TIAM1: variants seen among roughly 807,000 people sequenced by gnomAD.
TIAM1 encodes the protein TIAM Rac1 associated GEF 1, also known as rho guanine nucleotide exchange factor TIAM1.
Under a neutral mutation model 163.5 loss-of-function variants are expected in TIAM1, and 65 were observed. The observed-to-expected ratio is 0.40, with a 90% CI of 0.33 to 0.49. TIAM1 has a LOEUF of 0.49. Among genes scored for constraint, TIAM1 ranks in the 20% least tolerant of loss-of-function variants. The pLI is 0.77. For synonymous variants in TIAM1, 833 were observed against 810.1 expected, an observed-to-expected ratio of 1.03 and a Z score of -0.48; for missense variants, 1,789 against 2,044.7, an observed-to-expected ratio of 0.87 and a Z score of 2.41.
chr21:31,320,123 A>T (rs2075263916), intron 2 of TIAM1, among the ~76,000 whole-genome samples: 1 of 152,174 alleles, frequency 6.6e-6, no homozygotes, highest in Admixed American at 6.5e-5. Context: ...CATATATATA[A>T]AAGATACATA....
intron 2 of TIAM1, among the ~76,000 whole-genome samples, chr21:31,394,716 T>TCG (rs2077027240): frequency 8.3e-6 from 1 of 120,288 alleles, no homozygotes; most frequent in Admixed American, 9.7e-5. Context: ...TCGCTCTCTC[T>TCG]CTCTCTCTCT....
intron 1 of TIAM1, among the ~76,000 whole-genome samples, chr21:31,477,624 G>C (rs1321154814): frequency 1.3e-5 from 2 of 152,092 alleles, no homozygotes; most frequent in African/African-American, 4.8e-5. Context: ...ATAGGTGCAC[G>C]CCACCACGCC....
At chr21:31,557,040 C>A (rs73345673) in intron 1 of TIAM1, among the ~76,000 whole-genome samples, 4,250 of 152,310 alleles carry the variant, frequency 0.028, 204 homozygotes, top group African/African-American at 0.097. Flanking sequence ...CACAGCAGTC[C>A]TTGGTTCACT....
rs147198123 is a variant in TIAM1, at chr21:31,141,724, G to A, written c.3476-220C>T. Among the ~76,000 whole-genome samples the A allele has an allele frequency of 3.1e-3, 470 of 152,240 alleles. 2 individuals are homozygous for A. The highest frequency in any genetic ancestry group is 2.4e-3 in the Non-Finnish European group (166 of 68,020). ...TTGGGGGTGGGGTGGGGAGAAGCCTGATGAGTTAAAGGATGACGGAGTGTA... is the reference window on the plus strand; with the variant it reads ...TTGGGGGTGGGGTGGGGAGAAGCCTAATGAGTTAAAGGATGACGGAGTGTA... On this transcript the variant is annotated intron_variant, in intron 20 of 27. Transcript: ENST00000541036. This position sits in a 1 kb window ranked among gnomAD's most constrained non-coding sequence, Gnocchi z 4.7.
Position 31,539,275 on chromosome 21 carries a change from T to TC in TIAM1, c.-422+19651_-422+19652insG, listed in dbSNP as rs796074189. Among the ~76,000 whole-genome samples the TC allele has an allele frequency of 2.9e-3, 444 of 150,720 alleles. 20 individuals carry two copies. Among genetic ancestry groups the TC allele is most frequent in the African/African-American group, 0.01 (415 of 40,336 alleles). ...AAGAGAGGGAATGGGTTACTCTTTT[T>TC]TTTTTTTTGAGACAGAGTCCCGCTC... On this transcript the variant is annotated intron_variant, in intron 1 of 28. Coordinates refer to the TIAM1 transcript ENST00000286827.
intron 2 of TIAM1, among the ~76,000 whole-genome samples, chr21:31,438,816 G>T (rs2044314900): frequency 6.6e-6 from 1 of 152,056 alleles, no homozygotes; most frequent in Admixed American, 6.6e-5. Context: ...CAGCATCCCT[G>T]GCCTCCATCC....
chr21:31,124,644 C>A lies in TIAM1; in HGVS notation c.4184G>T (p.Arg1395Leu). Residue 1395 changes from arginine to leucine, a missense_variant, in exon 27 of 28, where the codon CGT (arginine) becomes CTT (leucine). This residue lies in a region of TIAM1 where 415 missense variants were observed against 439.2 expected (regional missense o/e 0.94). Coordinates refer to ENST00000541036, the MANE Select transcript of TIAM1 (RefSeq NM_001353694.2). Reference protein sequence around the residue: ...DFLKAVHSILRDKHRRQLLKT... With the variant: ...DFLKAVHSILLDKHRRQLLKT... Reference sequence around the variant, plus strand: ...GAGGAGCTGTCTTCTGTGCTTATCACGCAGGATTGAATGCACAGCCTTTAG... The same window carrying A: ...GAGGAGCTGTCTTCTGTGCTTATCAAGCAGGATTGAATGCACAGCCTTTAG... 6.2e-7 allele frequency: 1 copy of A among 1,612,458 alleles called. No individual in the cohort carries two copies. The highest frequency in any genetic ancestry group is 8.5e-7 in the Non-Finnish European group (1 of 1,179,212).
intron 2 of TIAM1, among the ~76,000 whole-genome samples, chr21:31,455,238 C>G (rs2045043906): frequency 7.2e-6 from 1 of 139,346 alleles, no homozygotes; most frequent in African/African-American, 2.7e-5. Context: ...GAGATCATAC[C>G]ATTGCACTCC....
At chr21:31,257,271 C>A (rs1208378319) in intron 4 of TIAM1, among the ~76,000 whole-genome samples, 1 of 152,126 alleles carries the variant, frequency 6.6e-6, no homozygotes, top group Non-Finnish European at 1.5e-5. Flanking sequence ...TTCCAACAAC[C>A]CATTCCTTTT....
At chr21:31,233,701 G>A (rs868417901) in intron 6 of TIAM1, among the ~76,000 whole-genome samples, 25 of 152,244 alleles carry the variant, frequency 1.6e-4, no homozygotes, top group African/African-American at 5.3e-4. Context: ...GCGAGACTCC[G>A]TCTCAAAAAA....
At chr21:31,468,928 G>C (rs760139719) in intron 1 of TIAM1, among the ~76,000 whole-genome samples, 1 of 152,000 alleles carries the variant, frequency 6.6e-6, no homozygotes, top group Non-Finnish European at 1.5e-5. Context: ...GATGACTGTC[G>C]GAAGAGGGTC....
chr21:31,120,272 C>T lies in TIAM1; in HGVS notation c.*96G>A, dbSNP rs760894872. On this transcript the variant is annotated 3_prime_UTR_variant, in exon 28 of 28. Transcript: ENST00000541036. This position sits in a 1 kb window ranked among gnomAD's most constrained non-coding sequence, Gnocchi z 4.2. Reference sequence around the variant, plus strand: ...TGCCAAAACCGTGTGTGCAAGAGCGCGACCTAAGGGGACATTCTTGTCGAC... The same window carrying T: ...TGCCAAAACCGTGTGTGCAAGAGCGTGACCTAAGGGGACATTCTTGTCGAC... 7.0e-6 allele frequency: 9 copies of T among 1,291,794 alleles called. No homozygotes were observed. The highest frequency in any genetic ancestry group is 1.5e-5 in the South Asian group (1 of 64,880). 80.0% of individuals were successfully genotyped at this position (1,291,794 alleles called of 1,614,324 possible).
At chr21:31,142,639 A>T (rs1472536217) in intron 20 of TIAM1, among the ~76,000 whole-genome samples, 1 of 151,138 alleles carries the variant, frequency 6.6e-6, no homozygotes, top group Admixed American at 6.6e-5. Flanking sequence ...TCAAAAAAAA[A>T]AAAAAAAGAA....
At chr21:31,554,633 T>C (rs1336644952) in intron 1 of TIAM1, among the ~76,000 whole-genome samples, 1 of 152,214 alleles carries the variant, frequency 6.6e-6, no homozygotes, top group Non-Finnish European at 1.5e-5. Flanking sequence ...AGTTCTTCGA[T>C]GAATCATCAC....
In TIAM1 at chr21:31,124,626, T is replaced by C. The variant is rs2082123036; in HGVS notation, c.4202A>G (p.Gln1401Arg). Residue 1401 changes from glutamine to arginine, a missense_variant, in exon 27 of 28, where the codon CAG (glutamine) becomes CGG (arginine). Around this residue, in one of 5 missense-constraint regions of TIAM1, gnomAD observed 415 missense variants for 439.2 expected, o/e 0.94. Transcript: ENST00000541036. ...GGGAAGGCTCTCGGTTTTGAGGAGC[T>C]GTCTTCTGTGCTTATCACGCAGGAT... is the stretch of plus-strand genomic sequence containing the variant. ...HSILRDKHRR[Q>R]LLKTESLPSS... is the part of the protein sequence containing the mutation. 1 of 1,613,742 alleles carries C rather than the reference T, an allele frequency of 6.2e-7. No homozygotes were observed. The highest frequency in any genetic ancestry group is 8.5e-7 in the Non-Finnish European group (1 of 1,179,812).
At chr21:31,500,763 C>T (rs768300911) in intron 1 of TIAM1, among the ~76,000 whole-genome samples, 37 of 152,244 alleles carry the variant, frequency 2.4e-4, no homozygotes, top group Non-Finnish European at 4.7e-4. Flanking sequence ...TAGGAAGAGG[C>T]ATGGAACTGA....
At chr21:31,172,144 G>A (rs2084540635) in intron 15 of TIAM1, among the ~76,000 whole-genome samples, 1 of 152,162 alleles carries the variant, frequency 6.6e-6, no homozygotes, top group Admixed American at 6.5e-5. Context: ...AAAGCAGGAG[G>A]TGACAGTGGT....
At chr21:31,391,442 C>G (rs774023267) in intron 2 of TIAM1, among the ~76,000 whole-genome samples, 1 of 151,962 alleles carries the variant, frequency 6.6e-6, no homozygotes, top group Non-Finnish European at 1.5e-5. Context: ...CTGGCCAACA[C>G]GGCAAAACCC....
intron 8 of TIAM1, among the ~76,000 whole-genome samples, chr21:31,222,676 C>T (rs1298027939): frequency 8.3e-5 from 4 of 48,254 alleles, no homozygotes; most frequent in Admixed American, 4.4e-4. Flanking sequence ...TGTACACATA[C>T]ATATATATAT....
Sources: allele counts gnomAD v4.1 joint callset (sites outside exome capture counted in the v4.1 genomes callset), GRCh38; gene constraint gnomAD v4.1.1; regional missense constraint gnomAD v4.1.1; non-coding constraint Gnocchi (gnomAD v3.1); transcripts MANE v1.5; gene names NCBI Gene and HGNC (gene_info 2026-07-23, HGNC 2026-07-21).